The following CWC22 variants were observed in gnomAD, a reference collection of about 807,000 sequenced individuals.
CWC22 encodes CWC22 spliceosome associated protein.
Under a neutral mutation model 117.2 loss-of-function variants are expected in CWC22, and 53 were observed. The observed-to-expected ratio is 0.45, with a 90% CI of 0.36 to 0.57. CWC22 has a LOEUF of 0.57. Ranked by LOEUF, CWC22 falls within the 20% of genes least tolerant of loss-of-function variation. The pLI, the probability that CWC22 is intolerant of heterozygous loss-of-function variation, is 0.00. For synonymous variants in CWC22, 360 were observed against 355.6 expected (o/e 1.01, Z -0.14); for missense variants, 980 against 1,068.8 (o/e 0.92, Z 1.16).
intron 1 of CWC22, 56 bp from the exon 2 acceptor site, chr2:179,993,510 G>T: frequency 5.4e-6 from 3 of 552,226 alleles, no homozygotes; most frequent in South Asian, 5.1e-5. Context: ...GAAAAATGAT[G>T]ATATATTTTT....
chr2:179,991,913 A>G (rs962381015), intron 2 of CWC22, among the ~76,000 whole-genome samples: 1 of 152,224 alleles, frequency 6.6e-6, no homozygotes, highest in Non-Finnish European at 1.5e-5. Context: ...ATATGCAAGC[A>G]AAGGCTGGAT....
At chr2:179,994,797 A>T (rs372375591) in intron 1 of CWC22, among the ~76,000 whole-genome samples, 13 of 152,336 alleles carry the variant, frequency 8.5e-5, no homozygotes, top group African/African-American at 2.9e-4. Context: ...TTGTTTAGAA[A>T]GCTCAGCCTT....
intron 6 of CWC22, among the ~76,000 whole-genome samples, chr2:179,975,024 G>A (rs1347231571): frequency 6.6e-6 from 1 of 152,044 alleles, no homozygotes; most frequent in Non-Finnish European, 1.5e-5. Flanking sequence ...TACAGGCTAG[G>A]ATTACAGCGA....
At position 179,988,602 on chromosome 2, in the gene CWC22, G is replaced by T; in HGVS notation, c.70C>A (p.Gln24Lys). The T allele has an allele frequency of 2.0e-6, 3 of 1,530,588 alleles. No homozygotes were observed. The highest frequency in any genetic ancestry group is 1.3e-5 in the South Asian group (1 of 77,912). 94.8% of individuals were successfully genotyped at this position (1,530,588 alleles called of 1,614,324 possible). ...HDRRENLNSY[Q>K]RNSSPEDRYE... ...CTGTCTTCTGGAGAGGAGTTCCTCT[G>T]ATATGAATTAAGGTTTTCCCTTCTG... Residue 24 changes from glutamine (Q) to lysine (K), a missense_variant, in exon 3 of 20, where the codon CAG (glutamine) becomes AAG (lysine). Gln to Lys is a moderately conservative substitution (Grantham distance 53). Coordinates refer to ENST00000410053, the MANE Select transcript of CWC22 (RefSeq NM_020943.3).
At chr2:179,988,163 G>C (rs1295276461) in intron 3 of CWC22, among the ~76,000 whole-genome samples, 1 of 152,142 alleles carries the variant, frequency 6.6e-6, no homozygotes, top group Non-Finnish European at 1.5e-5. Context: ...GTGTGGCCTG[G>C]TCCATGGCTC....
intron 6 of CWC22, among the ~76,000 whole-genome samples, chr2:179,976,892 C>T (rs1191191485): frequency 8.5e-5 from 13 of 152,154 alleles, no homozygotes; most frequent in Admixed American, 5.9e-4. Flanking sequence ...CGGTGGCTCA[C>T]GCCTGTCATA....
chr2:179,973,514 A>C, intron 7 of CWC22, 120 bp downstream of exon 7: 1 of 718,132 alleles, frequency 1.4e-6, no homozygotes, highest in Non-Finnish European at 2.3e-6. Flanking sequence ...CATGAAAGAC[A>C]GTTTTTAAAA....
Position 179,986,732 on chromosome 2 carries a change from T to C in CWC22, c.169A>G (p.Arg57Gly). ...DYSRSDYEHS[R>G]RGRSYDSSME... ...CTACTATCATAAGAACGTCCTCTTC[T>C]TGAATGCTCATAGTCTGATCTGCTG... The change falls in exon 4 of 20, where the codon AGA (arginine) becomes GGA (glycine). Residue 57 changes from arginine to glycine, a missense_variant. Arg to Gly is a moderately radical substitution (Grantham distance 125). Transcript: ENST00000410053. The C allele has an allele frequency of 1.9e-6, 3 of 1,608,974 alleles. No homozygotes were observed. Among genetic ancestry groups the C allele is most frequent in the Non-Finnish European group, 2.5e-6 (3 of 1,176,762 alleles).
At chr2:179,967,371 C>T (rs1024332156) in intron 11 of CWC22, among the ~76,000 whole-genome samples, 2 of 152,320 alleles carry the variant, frequency 1.3e-5, no homozygotes, top group South Asian at 2.1e-4. Flanking sequence ...ATTTCATTAA[C>T]TGAATAAAGG....
At chr2:179,967,689 T>TA (rs1686927056) in intron 11 of CWC22, among the ~76,000 whole-genome samples, 1 of 152,204 alleles carries the variant, frequency 6.6e-6, no homozygotes, top group South Asian at 2.1e-4. Flanking sequence ...TATAGGACTT[T>TA]ATCCTAATCT....
chr2:179,953,174 C>T lies in CWC22; in HGVS notation c.1690-576G>A, dbSNP rs910458835. Reference sequence around the variant, plus strand: ...GGTTAATTGTTTAAAATTCTCACTTCATTTTCTCAAAGAGGGGAAAAAAGA... The same window carrying T: ...GGTTAATTGTTTAAAATTCTCACTTTATTTTCTCAAAGAGGGGAAAAAAGA... On this transcript the variant is annotated intron_variant, in intron 16 of 19. Coordinates refer to ENST00000410053, the MANE Select transcript of CWC22 (RefSeq NM_020943.3). Among the ~76,000 whole-genome samples the T allele has an allele frequency of 5.3e-5, 8 of 149,856 alleles. No homozygotes were observed. In the South Asian group the frequency reaches 1.3e-3, roughly 24 times the overall value.
intron 2 of CWC22, among the ~76,000 whole-genome samples, chr2:179,991,196 G>A (rs1687558960): frequency 6.6e-6 from 1 of 152,180 alleles, no homozygotes; most frequent in South Asian, 2.1e-4. Context: ...CAAGAAGCCT[G>A]AGTCCAGTGG....
chr2:179,962,117 G>A (rs1222331640), intron 13 of CWC22, among the ~76,000 whole-genome samples: 1 of 152,058 alleles, frequency 6.6e-6, no homozygotes, highest in Non-Finnish European at 1.5e-5. Context: ...CAAGAACAAA[G>A]AGGAATGTTT....
In CWC22 at chr2:179,982,030, A is replaced by G. The variant is rs146974519; in HGVS notation, c.207-33T>C. ...ATAAATTTTTTGAAGAGCAGAAAAGACAATATAAAACACACTCTTAGCAAT... is the reference window on the plus strand; with the variant it reads ...ATAAATTTTTTGAAGAGCAGAAAAGGCAATATAAAACACACTCTTAGCAAT... On this transcript the variant is annotated intron_variant, in intron 4 of 19. Coordinates refer to ENST00000410053, the MANE Select transcript of CWC22 (RefSeq NM_020943.3). The G allele has an allele frequency of 3.7e-4, 424 of 1,144,628 alleles. No homozygotes were observed. The African/African-American group carries it at 5.1e-3, about 14-fold the overall frequency. 70.9% of individuals were successfully genotyped at this position (1,144,628 alleles called of 1,614,324 possible). A position where few individuals can be genotyped will look rare whatever the true frequency, so the allele number is the denominator to read the frequency against.
At chr2:179,999,512 A>C (rs1189364330) in intron 1 of CWC22, among the ~76,000 whole-genome samples, 1 of 152,204 alleles carries the variant, frequency 6.6e-6, no homozygotes, top group Non-Finnish European at 1.5e-5. Flanking sequence ...AGTACGTCAG[A>C]CTGTTAAGCA....
intron 4 of CWC22, among the ~76,000 whole-genome samples, chr2:179,985,057 CATCTT>C (rs1687384064): frequency 6.6e-6 from 1 of 151,998 alleles, no homozygotes; most frequent in South Asian, 2.1e-4. Flanking sequence ...TTATCATCCT[CATCTT>C]ATAGATAAGG....
chr2:179,956,338 T>G (rs973862000), intron 14 of CWC22, among the ~76,000 whole-genome samples: 4 of 151,400 alleles, frequency 2.6e-5, no homozygotes, highest in African/African-American at 9.7e-5. Context: ...TGTTAAATTA[T>G]ACATAAAATT....
chr2:179,958,581 T>C (rs765281268), intron 14 of CWC22, among the ~76,000 whole-genome samples: 12 of 151,934 alleles, frequency 7.9e-5, no homozygotes, highest in Non-Finnish European at 1.2e-4. Context: ...TTTTAGCTCA[T>C]CAGCTATTTT....
intron 4 of CWC22, among the ~76,000 whole-genome samples, chr2:179,985,640 A>C (rs1400048706): frequency 6.6e-6 from 1 of 152,082 alleles, no homozygotes; most frequent in Non-Finnish European, 1.5e-5. Flanking sequence ...ACGGTCCAAA[A>C]ATAAGTGACT....
Sources: allele counts gnomAD v4.1 joint callset (sites outside exome capture counted in the v4.1 genomes callset), GRCh38; gene constraint gnomAD v4.1.1; transcripts MANE v1.5; gene names NCBI Gene and HGNC (gene_info 2026-07-23, HGNC 2026-07-21).